The following FSIP1 variants were observed in gnomAD, a reference collection of about 807,000 sequenced individuals.
FSIP1 encodes the protein fibrous sheath-interacting protein 1.
In FSIP1, 65 loss-of-function variants were observed where a neutral mutation model predicts 60.9. The ratio of observed to expected loss-of-function variants is 1.07; its 90% confidence interval spans 0.87 to 1.31. The LOEUF (loss-of-function observed/expected upper bound fraction) is 1.31. Among genes scored for constraint, FSIP1 ranks in the 40% most tolerant of loss-of-function variants. FSIP1 has a pLI of 0.00. For synonymous variants in FSIP1, 209 were observed against 221.2 expected, an observed-to-expected ratio of 0.94 and a Z score of 0.49; for missense variants, 675 against 665.5, an observed-to-expected ratio of 1.01 and a Z score of -0.16.
chr15:39,722,003 T>C (rs1896001081), intron 9 of FSIP1, among the ~76,000 whole-genome samples: 1 of 152,140 alleles, frequency 6.6e-6, no homozygotes, highest in African/African-American at 2.4e-5. Flanking sequence ...TTCTGGTAGA[T>C]GGCTTGTTAG....
intron 10 of FSIP1, among the ~76,000 whole-genome samples, chr15:39,701,197 C>T (rs932730755): frequency 1.3e-5 from 2 of 152,010 alleles, no homozygotes; most frequent in Non-Finnish European, 2.9e-5. Flanking sequence ...ATTTAGTAAA[C>T]ATAGCATGTA....
intron 10 of FSIP1, among the ~76,000 whole-genome samples, chr15:39,688,992 T>C (rs1894492299): frequency 6.6e-6 from 1 of 152,320 alleles, no homozygotes; most frequent in South Asian, 2.1e-4. Context: ...ATTTGACATA[T>C]GAAGATGTCA....
chr15:39,756,996 T>G (rs1315355671), intron 5 of FSIP1, among the ~76,000 whole-genome samples: 2 of 152,136 alleles, frequency 1.3e-5, no homozygotes, highest in African/African-American at 2.4e-5. Flanking sequence ...GCCAAAAATG[T>G]ATGCCAGGAG....
chr15:39,752,102 T>G (rs1406276066), intron 5 of FSIP1, among the ~76,000 whole-genome samples: 2 of 152,068 alleles, frequency 1.3e-5, no homozygotes, highest in Non-Finnish European at 2.9e-5. Flanking sequence ...ATTAGTATAT[T>G]TAGTTTAATG....
chr15:39,748,388 T>C (rs1897063770), intron 5 of FSIP1, among the ~76,000 whole-genome samples: 1 of 152,150 alleles, frequency 6.6e-6, no homozygotes, highest in Non-Finnish European at 1.5e-5. Context: ...GTCCACGGAG[T>C]ACTTATAAAA....
chr15:39,648,181 A>G (rs28396328), intron 10 of FSIP1, among the ~76,000 whole-genome samples: 67 of 149,040 alleles, frequency 4.5e-4, no homozygotes, highest in African/African-American at 1.5e-3. Flanking sequence ...AAAAAAAAAG[A>G]AAAAAAAAGA....
intron 10 of FSIP1, among the ~76,000 whole-genome samples, chr15:39,690,667 G>A (rs1311150341): frequency 3.3e-5 from 5 of 152,150 alleles, no homozygotes; most frequent in South Asian, 2.1e-4. Flanking sequence ...GCAGCTCCTG[G>A]TAAAACCATA....
chr15:39,701,120 C>G (rs139417587), intron 10 of FSIP1, among the ~76,000 whole-genome samples: 2 of 152,270 alleles, frequency 1.3e-5, no homozygotes, highest in African/African-American at 4.8e-5. Flanking sequence ...CCACTGCACT[C>G]CAGCCTGGGT....
At chr15:39,646,416 G>A (rs1892609241) in intron 10 of FSIP1, among the ~76,000 whole-genome samples, 1 of 148,854 alleles carries the variant, frequency 6.7e-6, no homozygotes, top group South Asian at 2.1e-4. Flanking sequence ...TAACACTACT[G>A]GTTTGGGCCG....
chr15:39,673,051 A>C lies in FSIP1; in HGVS notation c.1188+40393T>G, dbSNP rs569493031. On this transcript the variant is annotated intron_variant, in intron 10 of 11. Transcript: ENST00000350221. ...ATCAAACAACTGAGACCACAGGATAATCACGGAACTTGTCAGTCCTAGAAC... is the reference window on the plus strand; with the variant it reads ...ATCAAACAACTGAGACCACAGGATACTCACGGAACTTGTCAGTCCTAGAAC... 3.3e-5 allele frequency among the ~76,000 whole-genome samples: 5 copies of C among 152,346 alleles called. No individual in the cohort carries two copies. In the South Asian group the frequency reaches 1.0e-3, roughly 32 times the overall value.
chr15:39,733,146 T>C (rs972933210), intron 8 of FSIP1, among the ~76,000 whole-genome samples: 1 of 152,184 alleles, frequency 6.6e-6, no homozygotes, highest in African/African-American at 2.4e-5. Flanking sequence ...TTCTCCTGCC[T>C]CAGCCTGCCA....
intron 5 of FSIP1, among the ~76,000 whole-genome samples, chr15:39,762,050 G>A (rs1226788347): frequency 6.6e-6 from 1 of 152,184 alleles, no homozygotes; most frequent in Non-Finnish European, 1.5e-5. Flanking sequence ...TCTAGTCTTG[G>A]TTATTCTCTG....
chr15:39,755,990 A>T (rs113461181), intron 5 of FSIP1, among the ~76,000 whole-genome samples: 2,425 of 150,932 alleles, frequency 0.016, 81 homozygotes, highest in African/African-American at 0.055. Flanking sequence ...ACATGCCTCT[A>T]AAAAAACCCA....
At chr15:39,706,913 A>G (rs1292828623) in intron 10 of FSIP1, among the ~76,000 whole-genome samples, 1 of 152,162 alleles carries the variant, frequency 6.6e-6, no homozygotes, top group Non-Finnish European at 1.5e-5. Context: ...AGATACATAG[A>G]CCTATCTCAT....
Position 39,637,506 on chromosome 15 carries a change from A to C in FSIP1, c.1189-19261T>G, listed in dbSNP as rs540561023. ...CACCAACATCAGAAGCAGAGACAGG[A>C]TGCGACTACTGGAACTGCCACCACT... On this transcript the variant is annotated intron_variant, in intron 10 of 11. Coordinates refer to ENST00000350221, the MANE Select transcript of FSIP1 (RefSeq NM_152597.5). 1.4e-4 allele frequency among the ~76,000 whole-genome samples: 21 copies of C among 152,298 alleles called. No individual in the cohort carries two copies. In the East Asian group the frequency reaches 4.0e-3, roughly 29 times the overall value.
At chr15:39,759,140 T>C (rs1897400669) in intron 5 of FSIP1, among the ~76,000 whole-genome samples, 1 of 151,746 alleles carries the variant, frequency 6.6e-6, no homozygotes, top group African/African-American at 2.4e-5. Context: ...AGAGTACCAA[T>C]GAATGATAAC....
chr15:39,777,335 C>G (rs1334367043), intron 1 of FSIP1, among the ~76,000 whole-genome samples: 2 of 152,212 alleles, frequency 1.3e-5, no homozygotes, highest in Admixed American at 1.3e-4. Flanking sequence ...TCTCCAGGCA[C>G]TGCTCTCATT....
At chr15:39,751,421 AC>A (rs1197040287) in intron 5 of FSIP1, among the ~76,000 whole-genome samples, 1 of 5,768 alleles carries the variant, frequency 1.7e-4, no homozygotes, top group South Asian at 5.7e-3. Flanking sequence ...ATACATAAAC[AC>A]ACACACACAC....
intron 10 of FSIP1, among the ~76,000 whole-genome samples, chr15:39,708,151 G>A (rs1257608303): frequency 6.6e-6 from 1 of 152,104 alleles, no homozygotes; most frequent in Non-Finnish European, 1.5e-5. Context: ...CTTATCCATG[G>A]CTAAAGCCAC....
Sources: gnomAD v4.1 joint callset for allele counts (sites outside exome capture counted in the v4.1 genomes callset) on GRCh38, gnomAD v4.1.1 for gene constraint, MANE v1.5 for transcripts, NCBI Gene and HGNC (gene_info 2026-07-23, HGNC 2026-07-21) for gene names.